Variants in ADARB2 observed in about 807,000 individuals in gnomAD.
ADARB2 encodes the protein inactive double-stranded RNA-specific editase B2.
ADARB2 carries 25 observed loss-of-function variants against 62.2 expected under a neutral mutation model. That is an observed-to-expected ratio of 0.40 (90% CI 0.29 to 0.56). ADARB2 has a LOEUF of 0.56. Ranked by LOEUF, ADARB2 falls within the 20% of genes least tolerant of loss-of-function variation. The pLI, the probability that ADARB2 is intolerant of heterozygous loss-of-function variation, is 0.43. For synonymous variants in ADARB2, 572 were observed against 500.8 expected (o/e 1.14, Z -1.90); for missense variants, 1,071 against 1,077.4 (o/e 0.99, Z 0.08).
intron 6 of ADARB2, among the ~76,000 whole-genome samples, chr10:1,224,736 T>C (rs1194784160): frequency 2.0e-5 from 3 of 152,250 alleles, no homozygotes; most frequent in East Asian, 3.8e-4. Flanking sequence ...TTGAGTGGTT[T>C]TGAGTGAGTT....
At position 1,660,022 on chromosome 10, in the gene ADARB2, G is replaced by C. The variant is rs190312872; in HGVS notation, c.100+77029C>G. ...CCTCCACTGTCCTGTGAGACCCCGG[G>C]GCAGGGGCTGTCTCCACCCTCTTCC... On this transcript the variant is annotated intron_variant, in intron 1 of 9. Coordinates refer to ENST00000381312, the MANE Select transcript of ADARB2 (RefSeq NM_018702.4). 2.1e-3 allele frequency among the ~76,000 whole-genome samples: 317 copies of C among 150,994 alleles called. 1 individual carries two copies. Among genetic ancestry groups the C allele is most frequent in the African/African-American group, 7.2e-3 (293 of 40,882 alleles).
intron 1 of ADARB2, among the ~76,000 whole-genome samples, chr10:1,692,729 A>G (rs1398215495): frequency 1.3e-5 from 2 of 152,310 alleles, no homozygotes; most frequent in African/African-American, 4.8e-5. Flanking sequence ...TTTAAAAACA[A>G]TAAATACATT....
At chr10:1,608,510 A>C (rs1375850325) in intron 1 of ADARB2, among the ~76,000 whole-genome samples, 1 of 151,088 alleles carries the variant, frequency 6.6e-6, no homozygotes, top group Non-Finnish European at 1.5e-5. Context: ...AGAAGGGAGA[A>C]AGAGAAGGAA....
At chr10:1,730,992 G>T (rs1039261242) in intron 1 of ADARB2, among the ~76,000 whole-genome samples, 5 of 152,186 alleles carry the variant, frequency 3.3e-5, no homozygotes, top group African/African-American at 1.2e-4. Context: ...AATAAAAGGT[G>T]ATTAAATATC....
chr10:1,645,144 C>T (rs565292233), intron 1 of ADARB2, among the ~76,000 whole-genome samples: 6 of 152,304 alleles, frequency 3.9e-5, no homozygotes, highest in South Asian at 4.1e-4. Flanking sequence ...CCTTTGCAGG[C>T]GATGTGGGAT....
At chr10:1,358,846 A>C (rs567092677) in intron 3 of ADARB2, among the ~76,000 whole-genome samples, 180 of 152,242 alleles carry the variant, frequency 1.2e-3, no homozygotes, top group African/African-American at 4.2e-3. Flanking sequence ...CTCACAAACA[A>C]GTCAATAAAC....
At chr10:1,411,078 C>G (rs1442435394) in intron 1 of ADARB2, among the ~76,000 whole-genome samples, 1 of 152,224 alleles carries the variant, frequency 6.6e-6, no homozygotes, top group African/African-American at 2.4e-5. Flanking sequence ...GCATCCTGCT[C>G]TCCTCTCTGC....
At chr10:1,202,026 G>T (rs982079246) in intron 7 of ADARB2, among the ~76,000 whole-genome samples, 21 of 152,190 alleles carry the variant, frequency 1.4e-4, no homozygotes, top group Non-Finnish European at 2.6e-4. Context: ...GTCAGAGAAT[G>T]GCAACAAATC....
At chr10:1,319,585 T>C (rs954588150) in intron 3 of ADARB2, among the ~76,000 whole-genome samples, 2 of 152,042 alleles carry the variant, frequency 1.3e-5, no homozygotes, top group Non-Finnish European at 2.9e-5. Flanking sequence ...AAGAACTCAT[T>C]GCACAAATTC....
At chr10:1,421,822 G>A (rs1832854835) in intron 1 of ADARB2, among the ~76,000 whole-genome samples, 1 of 152,228 alleles carries the variant, frequency 6.6e-6, no homozygotes. Context: ...AACACTCGGA[G>A]AGCTCCTAGA....
At chr10:1,312,998 A>G (rs1010595601) in intron 3 of ADARB2, among the ~76,000 whole-genome samples, 1 of 151,872 alleles carries the variant, frequency 6.6e-6, no homozygotes, top group African/African-American at 2.4e-5. Context: ...TTTTCTCACC[A>G]TTTCACCTGA....
rs1834496198 is a variant in ADARB2, at chr10:1,678,456, C to T, written c.100+58595G>A. 1.8e-5 allele frequency: 10 copies of T among 543,670 alleles called. No individual in the cohort carries two copies. The South Asian group carries it at 5.6e-4, about 30-fold the overall frequency. The allele number at this position is 543,670 out of a possible 1,614,324, so 33.7% of individuals were successfully genotyped here. On this transcript the variant is annotated intron_variant, in intron 1 of 9. Coordinates refer to ENST00000381312, the MANE Select transcript of ADARB2 (RefSeq NM_018702.4). ...CAGGACAGTAACGAACACAGGGTCACACTCAAGGTCACCGAGAACTTTGGG... is the reference window on the plus strand; with the variant it reads ...CAGGACAGTAACGAACACAGGGTCATACTCAAGGTCACCGAGAACTTTGGG...
At chr10:1,703,169 A>G (rs542287216) in intron 1 of ADARB2, among the ~76,000 whole-genome samples, 8 of 152,354 alleles carry the variant, frequency 5.3e-5, no homozygotes, top group Admixed American at 5.2e-4. Context: ...AGCAATTAAA[A>G]GGAAAAAAGG....
At chr10:1,380,212 T>G (rs1267476520) in intron 1 of ADARB2, among the ~76,000 whole-genome samples, 1 of 152,174 alleles carries the variant, frequency 6.6e-6, no homozygotes, top group Non-Finnish European at 1.5e-5. Flanking sequence ...CCACACTGAT[T>G]AAGACGCCCC....
chr10:1,317,099 C>T (rs1198806001), intron 3 of ADARB2, among the ~76,000 whole-genome samples: 2 of 152,228 alleles, frequency 1.3e-5, no homozygotes, highest in Admixed American at 6.5e-5. Flanking sequence ...AAGGCTGTGG[C>T]GTAGGCCCCT....
chr10:1,223,138 T>C (rs557978881), intron 6 of ADARB2, among the ~76,000 whole-genome samples: 14 of 152,334 alleles, frequency 9.2e-5, no homozygotes, highest in African/African-American at 3.1e-4. Flanking sequence ...TCACATCCCT[T>C]GTAAGTTGGA....
intron 4 of ADARB2, among the ~76,000 whole-genome samples, chr10:1,263,760 C>G (rs1034213453): frequency 1.3e-5 from 2 of 152,200 alleles, no homozygotes; most frequent in Admixed American, 1.3e-4. Flanking sequence ...CCAGTCCTCT[C>G]CTTAGTTAAT....
chr10:1,618,971 G>A (rs11250670), intron 1 of ADARB2, among the ~76,000 whole-genome samples: 25,446 of 152,146 alleles, frequency 0.17, 2,366 homozygotes, highest in African/African-American at 0.23. Flanking sequence ...GGCAGGCTGC[G>A]AAGGAACTGT....
At chr10:1,723,535 G>C (rs538527087) in intron 1 of ADARB2, among the ~76,000 whole-genome samples, 3 of 152,288 alleles carry the variant, frequency 2.0e-5, no homozygotes, top group East Asian at 1.9e-4. Flanking sequence ...TGGTGTCTTA[G>C]GTCCTTTTTA....
Sources: gnomAD v4.1 joint callset for allele counts (sites outside exome capture counted in the v4.1 genomes callset) on GRCh38, gnomAD v4.1.1 for gene constraint, MANE v1.5 for transcripts, NCBI Gene and HGNC (gene_info 2026-07-23, HGNC 2026-07-21) for gene names.